TTC21B: variants seen among roughly 807,000 people sequenced by gnomAD.
The protein encoded by TTC21B is tetratricopeptide repeat domain 21B.
TTC21B carries 127 observed loss-of-function variants against 175.1 expected under a neutral mutation model. That is an observed-to-expected ratio of 0.73 (90% CI 0.63 to 0.84). The LOEUF (loss-of-function observed/expected upper bound fraction) is 0.84. TTC21B is among the 40% of genes least tolerant of loss of function. The probability of loss-of-function intolerance (pLI) is 0.00; values close to 1 mark genes in which losing one functional copy is unlikely to be tolerated. For missense variants in TTC21B, 1,561 were observed against 1,558.3 expected (o/e 1.00, Z -0.03); for synonymous variants, 524 against 524.5 (o/e 1.00, Z 0.01).
chr2:165,933,109 T>C (rs1686974645), intron 6 of TTC21B, 52 bp from the exon 7 acceptor site: 2 of 1,542,862 alleles, frequency 1.3e-6, no homozygotes, highest in East Asian at 2.4e-5. Flanking sequence ...TATTTTCTTT[T>C]ATTCGAGGGC....
chr2:165,915,311 GATGCT>G lies in TTC21B; in HGVS notation c.2023_2027del (p.Ser675ProfsTer29). ...GCTGTTCGGCTGTAACATTCTGAAG[GATGCT>G]TAAAGCCCGTTCAATATCTCCTTGG... is the stretch of plus-strand genomic sequence containing the variant. On this transcript the variant is annotated frameshift_variant, in exon 15 of 29. Coordinates refer to ENST00000243344, the MANE Select transcript of TTC21B (RefSeq NM_024753.5). LOFTEE classifies it high-confidence loss of function. 6.2e-7 allele frequency: 1 copy of G among 1,614,070 alleles called. No homozygotes were observed. Among genetic ancestry groups the G allele is most frequent in the Non-Finnish European group, 8.5e-7 (1 of 1,179,982 alleles).
In TTC21B at chr2:165,927,045, T is replaced by TCCTA. The variant is rs1686667703; in HGVS notation, c.1386+2089_1386+2090insTAGG. Among the ~76,000 whole-genome samples, 5 of 111,948 alleles carry TCCTA rather than the reference T, an allele frequency of 4.5e-5. 1 individual carries two copies. Among genetic ancestry groups the TCCTA allele is most frequent in the East Asian group, 2.4e-4 (1 of 4,240 alleles). 73.4% of individuals were successfully genotyped at this position (111,948 alleles called of 152,430 possible). On this transcript the variant is annotated intron_variant, in intron 11 of 28. Coordinates refer to ENST00000243344, the MANE Select transcript of TTC21B (RefSeq NM_024753.5). ...CCTAGTAGTTATATATATATATATG[T>TCCTA]GTATATATATATATCCTAGTAGATA...
chr2:165,880,855 G>A, intron 26 of TTC21B, 56 bp from the exon 27 acceptor site: 5 of 1,569,726 alleles, frequency 3.2e-6, no homozygotes, highest in Non-Finnish European at 2.6e-6. Flanking sequence ...AAGATTTTAT[G>A]GGATGTTTGT....
intron 9 of TTC21B, 141 bp downstream of exon 9, chr2:165,930,031 A>G (rs918221232): frequency 2.6e-6 from 2 of 760,658 alleles, no homozygotes; most frequent in African/African-American, 1.8e-5. Context: ...TTTTAAAGAC[A>G]TGACTTTTTC....
rs1553511255 is a variant in TTC21B at position 165,914,654 on chromosome 2, A to AGTGTGTGTGTGTGTGTGTGT, written c.2138+546_2138+547insACACACACACACACACACAC. On this transcript the variant is annotated intron_variant, in intron 15 of 28. Transcript: ENST00000243344. ...TCTGTTTGGGGAGAAGAGGAAGAGCAATCTGTGTGTGTGTGTGTGTGTGTG... is the reference window on the plus strand; with the variant it reads ...TCTGTTTGGGGAGAAGAGGAAGAGCAGTGTGTGTGTGTGTGTGTGTATCTGTGTGTGTGTGTGTGTGTGTG... Among the ~76,000 whole-genome samples, 23 of 17,100 alleles carry AGTGTGTGTGTGTGTGTGTGT rather than the reference A, an allele frequency of 1.3e-3. 1 individual carries two copies. In the South Asian group the frequency reaches 0.033, roughly 24 times the overall value. The allele number at this position is 17,100 out of a possible 152,430, so 11.2% of individuals were successfully genotyped here.
At position 165,929,627 on chromosome 2, in the gene TTC21B, G is replaced by C. The variant is rs62177816; in HGVS notation, c.1185+23C>G. On this transcript the variant is annotated intron_variant, in intron 10 of 28. Coordinates refer to ENST00000243344, the MANE Select transcript of TTC21B (RefSeq NM_024753.5). Reference sequence around the variant, plus strand: ...TTTTATAAACAGCTAGCATCTACCAGCTGATAAAATAAAATACTGTACCGC... The same window carrying C: ...TTTTATAAACAGCTAGCATCTACCACCTGATAAAATAAAATACTGTACCGC... The C allele has an allele frequency of 0.046, 68,988 of 1,505,878 alleles. 1,889 individuals carry two copies. Among genetic ancestry groups the C allele is most frequent in the Non-Finnish European group, 0.055 (59,458 of 1,082,768 alleles). 93.3% of individuals were successfully genotyped at this position (1,505,878 alleles called of 1,614,324 possible). A position where few individuals can be genotyped will look rare whatever the true frequency, so the allele number is the denominator to read the frequency against.
At chr2:165,921,715 T>G (rs577704375) in intron 12 of TTC21B, among the ~76,000 whole-genome samples, 4 of 152,066 alleles carry the variant, frequency 2.6e-5, no homozygotes, top group Admixed American at 2.6e-4. Context: ...GTCATTGCAG[T>G]TGGCAATTTA....
rs79777167 is a variant in TTC21B, at chr2:165,901,937, T to TA, written c.2569-28dup. The TA allele has an allele frequency of 0.044, 51,512 of 1,176,368 alleles. 23 individuals are homozygous for TA. The highest frequency in any genetic ancestry group is 0.056 in the African/African-American group (3,409 of 61,086). The allele number at this position is 1,176,368 out of a possible 1,614,324, so 72.9% of individuals were successfully genotyped here. On this transcript the variant is annotated intron_variant, in intron 19 of 28. Coordinates refer to ENST00000243344, the MANE Select transcript of TTC21B (RefSeq NM_024753.5). ...TAGAAAAAATCAGTATAAAAGGGAA[T>TA]AAAAAAAAAAAAGGAAATTAAATTC...
At chr2:165,918,150 C>A (rs113247041) in intron 13 of TTC21B, among the ~76,000 whole-genome samples, 2,318 of 152,320 alleles carry the variant, frequency 0.015, 24 homozygotes, top group Non-Finnish European at 0.025. Flanking sequence ...AGGCAGCCTG[C>A]ACATTTGCTT....
intron 28 of TTC21B, among the ~76,000 whole-genome samples, chr2:165,875,078 C>T (rs1684622291): frequency 6.6e-6 from 1 of 151,990 alleles, no homozygotes; most frequent in Non-Finnish European, 1.5e-5. Context: ...AACTGCTTAC[C>T]TAATAGATGA....
chr2:165,927,325 A>ATATATAATATATTT (rs1178062258), intron 11 of TTC21B, among the ~76,000 whole-genome samples: 1 of 58,428 alleles, frequency 1.7e-5, no homozygotes, highest in Non-Finnish European at 4.4e-5. Flanking sequence ...TATATAATAT[A>ATATATAATATATTT]TATATAATAT....
intron 28 of TTC21B, among the ~76,000 whole-genome samples, chr2:165,875,890 T>G (rs1684650499): frequency 6.6e-6 from 1 of 152,056 alleles, no homozygotes; most frequent in African/African-American, 2.4e-5. Flanking sequence ...TGTAAATATT[T>G]TATGGTTTAT....
chr2:165,881,389 G>C (rs958002805), intron 26 of TTC21B, among the ~76,000 whole-genome samples: 4 of 152,078 alleles, frequency 2.6e-5, no homozygotes, highest in African/African-American at 7.2e-5. Flanking sequence ...ATTTGTTTTT[G>C]TTAGATTGAG....
intron 3 of TTC21B, chr2:165,949,189 T>C (rs1434489042): frequency 1.7e-6 from 1 of 581,544 alleles, no homozygotes; most frequent in Non-Finnish European, 3.1e-6. Flanking sequence ...TGCCAGAGGA[T>C]ATAAGGAACA....
chr2:165,926,680 G>A (rs1686641572), intron 11 of TTC21B, among the ~76,000 whole-genome samples: 1 of 152,040 alleles, frequency 6.6e-6, no homozygotes, highest in Admixed American at 6.6e-5. Flanking sequence ...GAGTCAAGAG[G>A]CTGAGAAAGG....
chr2:165,931,897 G>C (rs1252858062), intron 7 of TTC21B, 41 bp from the exon 8 acceptor site: 1 of 1,354,148 alleles, frequency 7.4e-7, no homozygotes, highest in Non-Finnish European at 1.1e-6. Flanking sequence ...AATATACTAA[G>C]TAAAAACAAC....
chr2:165,901,871 T>C lies in TTC21B; in HGVS notation c.2608A>G (p.Met870Val), dbSNP rs944254998. 1 of 1,613,790 alleles carries C rather than the reference T, an allele frequency of 6.2e-7. No homozygotes were observed. Among genetic ancestry groups the C allele is most frequent in the African/African-American group, 1.3e-5 (1 of 74,846 alleles). The change falls in exon 20 of 29, where the codon ATG becomes GTG. Residue 870 changes from methionine to valine, a missense_variant. Transcript: ENST00000243344. ...GCAGGAACTGCATCTGGCTGTTCCATCTGAACACGTTTTAGTACCCGAGCT... is the reference window on the plus strand; with the variant it reads ...GCAGGAACTGCATCTGGCTGTTCCACCTGAACACGTTTTAGTACCCGAGCT... ...LQARVLKRVQ[M>V]EQPDAVPAQK...
At chr2:165,916,825 GA>G (rs1331389051) in intron 14 of TTC21B, among the ~76,000 whole-genome samples, 1 of 152,086 alleles carries the variant, frequency 6.6e-6, no homozygotes, top group African/African-American at 2.4e-5. Context: ...GCAAGGTAAT[GA>G]AAATTAAATT....
rs763548232 is a variant in TTC21B at position 165,912,516 on chromosome 2, T to C, written c.2320A>G (p.Met774Val). 7.5e-6 allele frequency: 12 copies of C among 1,609,188 alleles called. No homozygotes were observed. Among genetic ancestry groups the C allele is most frequent in the African/African-American group, 1.3e-5 (1 of 74,956 alleles). The change falls in exon 17 of 29, where the codon ATG (methionine) becomes GTG (valine). Residue 774 changes from methionine (M) to valine (V), a missense_variant and splice_region_variant. Met to Val is a conservative substitution (Grantham distance 21, BLOSUM62 1). Transcript: ENST00000243344. ...ATTTCAAACAATAAAGTACTTACCA[T>C]TGAGTAGTTATGAGTTTTGATAAGT... The part of the protein sequence containing the change: ...KALIKTHNYS[M>V]AITYYEAALK...
Sources: gnomAD v4.1 joint callset for allele counts (sites outside exome capture counted in the v4.1 genomes callset) on GRCh38, gnomAD v4.1.1 for gene constraint, MANE v1.5 for transcripts, NCBI Gene and HGNC (gene_info 2026-07-23, HGNC 2026-07-21) for gene names.